Variants in SGSM1 observed in about 807,000 individuals in gnomAD.
SGSM1 encodes the protein RUN and TBC1 domain containing 2.
Under a neutral mutation model 133.8 loss-of-function variants are expected in SGSM1, and 73 were observed. The observed-to-expected ratio is 0.55, with a 90% CI of 0.45 to 0.66. The LOEUF is 0.66. Ranked by LOEUF, SGSM1 falls within the 30% of genes least tolerant of loss-of-function variation. SGSM1 has a pLI of 0.00. For missense variants in SGSM1, 1,213 were observed against 1,448.1 expected (o/e 0.84, Z 2.64); for synonymous variants, 563 against 573.0 (o/e 0.98, Z 0.25).
rs552979086 is a variant in SGSM1 at position 24,856,661 on chromosome 22, A to G, written c.801+981A>G. On this transcript the variant is annotated intron_variant, in intron 8 of 24. Transcript: ENST00000400358. ...CAGTTTTAATCACTGACTGACTTTGAGCCAGTCACTTTTCCCTCTGAGCCT... is the reference window on the plus strand; with the variant it reads ...CAGTTTTAATCACTGACTGACTTTGGGCCAGTCACTTTTCCCTCTGAGCCT... 1.9e-3 allele frequency among the ~76,000 whole-genome samples: 288 copies of G among 152,308 alleles called. 2 individuals carry two copies. Among genetic ancestry groups the G allele is most frequent in the African/African-American group, 6.6e-3 (273 of 41,558 alleles).
intron 5 of SGSM1, among the ~76,000 whole-genome samples, chr22:24,854,749 G>A (rs9612793): frequency 6.6e-6 from 1 of 152,218 alleles, no homozygotes. Context: ...CCAGGAGTTC[G>A]AGGTTACAGT....
At chr22:24,839,370 T>A (rs1929658794) in intron 2 of SGSM1, among the ~76,000 whole-genome samples, 1 of 152,208 alleles carries the variant, frequency 6.6e-6, no homozygotes, top group Non-Finnish European at 1.5e-5. Context: ...TGACCGACCA[T>A]GTTCTTTTAA....
chr22:24,819,780 A>G (rs532866039), intron 2 of SGSM1, among the ~76,000 whole-genome samples: 2 of 152,214 alleles, frequency 1.3e-5, no homozygotes, highest in Non-Finnish European at 2.9e-5. Flanking sequence ...TGCTTCTTCT[A>G]AGGTCAGATG....
chr22:24,897,033 T>C (rs536260766), intron 18 of SGSM1, among the ~76,000 whole-genome samples: 1 of 151,894 alleles, frequency 6.6e-6, no homozygotes, highest in African/African-American at 2.4e-5. Flanking sequence ...AAAGTCTATA[T>C]GATGAAAAGT....
chr22:24,862,816 C>CCTGGGG (rs1464387195), intron 9 of SGSM1, among the ~76,000 whole-genome samples: 1 of 152,182 alleles, frequency 6.6e-6, no homozygotes, highest in Non-Finnish European at 1.5e-5. Flanking sequence ...GGGTATGTCA[C>CCTGGGG]TCCACCTCAA....
intron 2 of SGSM1, among the ~76,000 whole-genome samples, chr22:24,837,590 C>CCG (rs56789530): frequency 0.58 from 78,748 of 136,922 alleles, 23,419 homozygotes; most frequent in Middle Eastern, 0.62. Context: ...CCCCCCCCCC[C>CCG]CTTTCCCAGT....
chr22:24,865,007 G>A (rs1931367456), intron 9 of SGSM1, among the ~76,000 whole-genome samples: 2 of 152,182 alleles, frequency 1.3e-5, no homozygotes, highest in Admixed American at 6.5e-5. Flanking sequence ...TTTATGTAAC[G>A]GAAGTGCATG....
In SGSM1 at chr22:24,860,317, C is replaced by T. The variant is rs2147861139; in HGVS notation, c.926+477C>T. 1.3e-5 allele frequency among the ~76,000 whole-genome samples: 2 copies of T among 152,234 alleles called. 1 individual carries two copies. The highest frequency in any genetic ancestry group is 3.9e-4 in the East Asian group (2 of 5,172). ...AAATGCTGGGACAGGGGATTTCCTG[C>T]TGCAATGCCTGGGTTCCAGCCCAAT... On this transcript the variant is annotated intron_variant, in intron 9 of 24. Coordinates refer to ENST00000400358, the MANE Select transcript of SGSM1 (RefSeq NM_001098497.3).
rs866115039 is a variant in SGSM1 at position 24,878,457 on chromosome 22, A to G, written c.1431-1005A>G. On this transcript the variant is annotated intron_variant, in intron 13 of 24. Transcript: ENST00000400358. ...GAGCCTCATCAACCTGAGGGCACAA[A>G]GGGGAACTCTTTACTGTTTAATGTT... 1.6e-4 allele frequency among the ~76,000 whole-genome samples: 24 copies of G among 152,286 alleles called. No homozygotes were observed. The Middle Eastern group carries it at 0.017, about 108-fold the overall frequency.
intron 23 of SGSM1, 80 bp downstream of exon 23, chr22:24,917,834 G>A: frequency 8.3e-7 from 1 of 1,204,450 alleles, no homozygotes; most frequent in South Asian, 1.4e-5. Flanking sequence ...TGGAGGTGAG[G>A]TTGAGGGGTT....
intron 2 of SGSM1, among the ~76,000 whole-genome samples, chr22:24,816,455 G>A (rs1204334881): frequency 8.7e-6 from 1 of 114,588 alleles, no homozygotes; most frequent in Non-Finnish European, 1.7e-5. Flanking sequence ...TCGCTCTGTT[G>A]CCTAGGCTGG....
intron 14 of SGSM1, among the ~76,000 whole-genome samples, chr22:24,882,201 G>C (rs1229543773): frequency 6.6e-6 from 1 of 152,050 alleles, no homozygotes; most frequent in Non-Finnish European, 1.5e-5. Context: ...TGAGTAGCTG[G>C]AACTACAGGC....
chr22:24,826,455 G>C (rs1252417222), intron 2 of SGSM1, among the ~76,000 whole-genome samples: 1 of 152,206 alleles, frequency 6.6e-6, no homozygotes, highest in African/African-American at 2.4e-5. Flanking sequence ...TTAGGACACT[G>C]CCTGGAACCA....
chr22:24,924,454 G>C lies in SGSM1; in HGVS notation c.*180G>C. ...CTTCTGGGCAGATGGGGTGGAGGGA[G>C]TACCCCTTCAATTCAGCCTTACATT... is the stretch of plus-strand genomic sequence containing the variant. On this transcript the variant is annotated 3_prime_UTR_variant, in exon 25 of 25. Transcript: ENST00000400358. 1 of 592,306 alleles carries C rather than the reference G, an allele frequency of 1.7e-6. No individual in the cohort carries two copies. The highest frequency in any genetic ancestry group is 2.1e-5 in the South Asian group (1 of 48,268). The allele number at this position is 592,306 out of a possible 1,614,324, so 36.7% of individuals were successfully genotyped here.
chr22:24,860,447 G>A (rs1338550464), intron 9 of SGSM1, among the ~76,000 whole-genome samples: 13 of 152,166 alleles, frequency 8.5e-5, no homozygotes, highest in Non-Finnish European at 1.5e-4. Flanking sequence ...AGGAGAAGCA[G>A]TGGTTTTTCC....
At chr22:24,854,950 C>T (rs1930680876) in intron 5 of SGSM1, 46 bp from the exon 6 acceptor site, 1 of 1,510,970 alleles carries the variant, frequency 6.6e-7, no homozygotes, top group African/African-American at 1.4e-5. Flanking sequence ...ATTGTGCGTC[C>T]TCTGCTGGTC....
intron 3 of SGSM1, among the ~76,000 whole-genome samples, chr22:24,846,003 TTCTTTCTTCATTTCTTTCTC>T: frequency 2.2e-5 from 3 of 137,584 alleles, no homozygotes; most frequent in Non-Finnish European, 4.8e-5. Context: ...CTTTCTTTCT[TTCTTTCTTCATTTCTTTCTC>T]TCTTTCTCTC....
At chr22:24,847,902 C>A in intron 4 of SGSM1, 106 bp downstream of exon 4, 1 of 1,412,190 alleles carries the variant, frequency 7.1e-7, no homozygotes. Flanking sequence ...TTTCAGTCTC[C>A]ATCCTGCTTC....
intron 12 of SGSM1, chr22:24,874,410 T>C (rs888975133): frequency 1.2e-6 from 2 of 1,605,232 alleles, no homozygotes; most frequent in Non-Finnish European, 8.5e-7. Context: ...GTTTTGTGTC[T>C]CAAGTTGCCC....
Sources: allele counts gnomAD v4.1 joint callset (sites outside exome capture counted in the v4.1 genomes callset), GRCh38; gene constraint gnomAD v4.1.1; transcripts MANE v1.5; gene names NCBI Gene and HGNC (gene_info 2026-07-23, HGNC 2026-07-21).